PARP10: variants seen among roughly 807,000 people sequenced by gnomAD.
PARP10 encodes poly(ADP-ribose) polymerase family member 10.
PARP10 carries 56 observed loss-of-function variants against 82.4 expected under a neutral mutation model. The observed-to-expected ratio is 0.68, with a 90% CI of 0.55 to 0.85. PARP10 has a LOEUF of 0.85. PARP10 is among the 40% of genes least tolerant of loss of function. The pLI, the probability that PARP10 is intolerant of heterozygous loss-of-function variation, is 0.00. For synonymous variants in PARP10, 576 were observed against 601.1 expected (o/e 0.96, Z 0.61); for missense variants, 1,227 against 1,379.4 (o/e 0.89, Z 1.75).
upstream of PARP10, chr8:143,990,998 G>T: frequency 2.6e-6 from 1 of 385,906 alleles, no homozygotes; most frequent in Non-Finnish European, 4.7e-6. This position sits in a 1 kb window ranked among gnomAD's most constrained non-coding sequence, Gnocchi z 5.6. Flanking sequence ...TAGAGCCCTG[G>T]GAAGGCCCCA....
upstream of PARP10, chr8:143,991,898 G>A (rs1158917644): frequency 6.2e-7 from 1 of 1,612,006 alleles, no homozygotes. Flanking sequence ...TGCTGACCTT[G>A]CAGCTGTCGG....
chr8:143,980,319 CAAAAAAAAAA>C (rs564801582), intron 9 of PARP10, among the ~76,000 whole-genome samples: 6 of 16,080 alleles, frequency 3.7e-4, no homozygotes, highest in South Asian at 7.5e-3. Context: ...GATTCCGTCT[CAAAAAAAAAA>C]AAAAAAAAAA....
At chr8:144,009,916 T>C (rs535802915) in intron 1 of PARP10, among the ~76,000 whole-genome samples, 1 of 152,238 alleles carries the variant, frequency 6.6e-6, no homozygotes, top group African/African-American at 2.4e-5. Flanking sequence ...GCCACCCTCA[T>C]TGCTTGCTTG....
chr8:143,992,962 G>A, upstream of PARP10: 5 of 814,602 alleles, frequency 6.1e-6, no homozygotes, highest in South Asian at 1.7e-5. Flanking sequence ...TAGGGAAAAG[G>A]ATGCCTCTCT....
At position 143,984,392 on chromosome 8, in the gene PARP10, ACTC is replaced by A. The variant is rs1208984237; in HGVS notation, c.1495_1497del (p.Glu499del). 1.9e-6 allele frequency: 3 copies of A among 1,611,326 alleles called. No individual in the cohort carries two copies. Among genetic ancestry groups the A allele is most frequent in the Non-Finnish European group, 2.5e-6 (3 of 1,179,336 alleles). On this transcript the variant is annotated inframe_deletion, in exon 6 of 11. Coordinates refer to ENST00000313028, the MANE Select transcript of PARP10 (RefSeq NM_032789.5). The stretch of plus-strand genomic sequence containing the variant: ...ATGCTGCCCAGCAGGCTCCGCAGAA[ACTC>A]CTCAGCCGCCTGGCAGGAAGCCTGG...
intron 9 of PARP10, among the ~76,000 whole-genome samples, chr8:143,982,330 C>T (rs562126157): frequency 1.3e-5 from 2 of 151,838 alleles, no homozygotes; most frequent in African/African-American, 4.8e-5. Context: ...AAAAATTAGC[C>T]GGGCGTGGTG....
exon 1 of PARP10, chr8:144,012,628 A>G (rs1834300848): frequency 6.4e-7 from 1 of 1,551,756 alleles, no homozygotes; most frequent in Non-Finnish European, 8.7e-7. Context: ...CACGAGCTCA[A>G]GTCAGCGATC....
At position 144,011,031 on chromosome 8, in the gene PARP10, TTAGACGTCTAA is replaced by T. The variant is rs1834277600; in HGVS notation, c.-80+1488_-80+1498del. The stretch of plus-strand genomic sequence containing the variant: ...ATCTTGTAGCTATTAATCACGTCTA[TTAGACGTCTAA>T]TAGACGTGATTAATAGCTACAAGTA... On this transcript the variant is annotated intron_variant, in intron 1 of 3. Coordinates refer to the PARP10 transcript ENST00000530478. The surrounding 1 kb of genome is among the most constrained non-coding windows in gnomAD (Gnocchi z 4.5). 1.3e-5 allele frequency among the ~76,000 whole-genome samples: 2 copies of T among 151,848 alleles called. No homozygotes were observed. Among genetic ancestry groups the T allele is most frequent in the South Asian group, 4.2e-4 (2 of 4,814 alleles).
upstream of PARP10, chr8:143,992,048 G>T: frequency 1.2e-6 from 2 of 1,613,948 alleles, no homozygotes; most frequent in Non-Finnish European, 1.7e-6. Flanking sequence ...GGGACTTCCG[G>T]CGAAAGCACC....
rs116128219 is a variant in PARP10 at position 143,981,192 on chromosome 8, G to A, written c.2556+1740C>T. ...AACCACCAGGATATGAGGTCAGTGC[G>A]TCTGGGTGGTGGTGATCCTGGTGGC... On this transcript the variant is annotated intron_variant, in intron 9 of 10. Transcript: ENST00000313028. 6.0e-3 allele frequency among the ~76,000 whole-genome samples: 913 copies of A among 152,276 alleles called. 10 individuals are homozygous for A. The highest frequency in any genetic ancestry group is 0.021 in the African/African-American group (870 of 41,566).
upstream of PARP10, chr8:143,991,056 G>T: frequency 2.0e-6 from 1 of 488,068 alleles, no homozygotes; most frequent in East Asian, 3.5e-5. Flanking sequence ...CCCAGGCTCC[G>T]GGGCTCCCCA....
At chr8:143,986,326 C>G (rs901158455) in intron 1 of PARP10, 32 bp downstream of exon 1, 2 of 1,614,168 alleles carry the variant, frequency 1.2e-6, no homozygotes, top group Non-Finnish European at 1.7e-6. Flanking sequence ...CAATGCTCCC[C>G]CATTATGGGT....
chr8:144,012,496 C>A (rs1554752590), intron 1 of PARP10: 8 of 1,550,738 alleles, frequency 5.2e-6, no homozygotes, highest in Non-Finnish European at 6.1e-6. Context: ...TGGGCCGCAC[C>A]CTTGCCACTG....
chr8:144,002,042 A>G (rs1054368368), intron 1 of PARP10, among the ~76,000 whole-genome samples: 12 of 152,066 alleles, frequency 7.9e-5, no homozygotes, highest in South Asian at 2.1e-4. Flanking sequence ...TACTCTAGGG[A>G]AAAAAAGGCA....
intron 9 of PARP10, among the ~76,000 whole-genome samples, chr8:143,980,684 G>A (rs999879627): frequency 2.0e-5 from 3 of 152,060 alleles, no homozygotes; most frequent in African/African-American, 7.2e-5. Context: ...GACAAGCGGG[G>A]TACTGAGTAA....
chr8:143,978,386 C>T (rs886480525), intron 9 of PARP10, among the ~76,000 whole-genome samples: 3 of 152,186 alleles, frequency 2.0e-5, no homozygotes, highest in African/African-American at 4.8e-5. Flanking sequence ...CCTATGCTGC[C>T]TACAGGACTT....
chr8:144,007,472 A>T (rs1389290342), intron 1 of PARP10, among the ~76,000 whole-genome samples: 3 of 152,230 alleles, frequency 2.0e-5, no homozygotes, highest in Admixed American at 1.3e-4. Context: ...CAGCTTCTCC[A>T]GCTTCATGGT....
chr8:143,991,568 A>G, upstream of PARP10: 1 of 1,530,384 alleles, frequency 6.5e-7, no homozygotes, highest in Non-Finnish European at 9.0e-7. Flanking sequence ...ACCCCTATGG[A>G]CAGCCACAGG....
At chr8:143,997,427 C>A (rs184025639) in intron 1 of PARP10, among the ~76,000 whole-genome samples, 1 of 152,250 alleles carries the variant, frequency 6.6e-6, no homozygotes, top group Non-Finnish European at 1.5e-5. Context: ...AGCTCAAAAT[C>A]TTCCTCTCTA....
Sources: allele counts gnomAD v4.1 joint callset (sites outside exome capture counted in the v4.1 genomes callset), GRCh38; gene constraint gnomAD v4.1.1; non-coding constraint Gnocchi (gnomAD v3.1); transcripts MANE v1.5; gene names NCBI Gene and HGNC (gene_info 2026-07-23, HGNC 2026-07-21).